TSHZ2: variants seen among roughly 807,000 people sequenced by gnomAD.
The protein encoded by TSHZ2 is teashirt homolog 2.
In TSHZ2, 21 loss-of-function variants were observed where a neutral mutation model predicts 74.4. That is an observed-to-expected ratio of 0.28 (90% CI 0.20 to 0.41). The LOEUF (loss-of-function observed/expected upper bound fraction) is 0.41. Ranked by LOEUF, TSHZ2 falls within the 10% of genes least tolerant of loss-of-function variation. The pLI, the probability that TSHZ2 is intolerant of heterozygous loss-of-function variation, is 1.00. For missense variants in TSHZ2, 1,244 were observed against 1,293.5 expected, an observed-to-expected ratio of 0.96 and a Z score of 0.59; for synonymous variants, 540 against 515.3, an observed-to-expected ratio of 1.05 and a Z score of -0.65.
intron 2 of TSHZ2, among the ~76,000 whole-genome samples, chr20:53,454,315 G>C (rs551144581): frequency 1.6e-4 from 25 of 152,122 alleles, no homozygotes; most frequent in Non-Finnish European, 3.2e-4. Context: ...TGTAATCCCA[G>C]CACTTTGGGA....
chr20:53,166,350 G>A (rs1381513999), intron 1 of TSHZ2, among the ~76,000 whole-genome samples: 1 of 152,154 alleles, frequency 6.6e-6, no homozygotes, highest in Non-Finnish European at 1.5e-5. Context: ...GGGCATGATG[G>A]CTTACACCTG....
chr20:53,476,063 C>T (rs929480864), intron 2 of TSHZ2, among the ~76,000 whole-genome samples: 18 of 140,118 alleles, frequency 1.3e-4, no homozygotes, highest in African/African-American at 5.0e-4. Context: ...GATTCACAGC[C>T]GAATTCTACC....
chr20:53,262,250 T>C (rs1370312452), intron 2 of TSHZ2, among the ~76,000 whole-genome samples: 1 of 152,062 alleles, frequency 6.6e-6, no homozygotes, highest in Non-Finnish European at 1.5e-5. Context: ...AGTTTAAAGC[T>C]TTCCACGATG....
chr20:53,335,694 G>T (rs1015538858), intron 2 of TSHZ2, among the ~76,000 whole-genome samples: 2 of 152,200 alleles, frequency 1.3e-5, no homozygotes, highest in Non-Finnish European at 2.9e-5. Context: ...AGGAAGGGAA[G>T]GAACAAATGA....
chr20:53,102,228 A>G (rs1411701362), intron 1 of TSHZ2, among the ~76,000 whole-genome samples: 2 of 118,542 alleles, frequency 1.7e-5, no homozygotes, highest in Admixed American at 1.5e-4. Flanking sequence ...ATTTCCCCCA[A>G]CCTGAGGCCT....
intron 1 of TSHZ2, among the ~76,000 whole-genome samples, chr20:53,088,573 G>A (rs554445031): frequency 9.2e-5 from 14 of 152,084 alleles, no homozygotes; most frequent in Non-Finnish European, 1.6e-4. Flanking sequence ...CCGCTAAATT[G>A]AAAAATTTAC....
intron 1 of TSHZ2, among the ~76,000 whole-genome samples, chr20:53,168,141 A>G (rs1988105191): frequency 6.6e-6 from 1 of 152,040 alleles, no homozygotes; most frequent in East Asian, 1.9e-4. Context: ...GATCAAGTGC[A>G]CTCTCAATTT....
chr20:53,063,640 G>A (rs918557504), intron 1 of TSHZ2, among the ~76,000 whole-genome samples: 3 of 152,166 alleles, frequency 2.0e-5, no homozygotes, highest in African/African-American at 7.2e-5. Context: ...TGAATTGTAA[G>A]TGAATAGAAA....
intron 2 of TSHZ2, among the ~76,000 whole-genome samples, chr20:53,459,356 T>C (rs1985253913): frequency 6.6e-6 from 1 of 152,140 alleles, no homozygotes; most frequent in Admixed American, 6.5e-5. Context: ...TAAAGTCTGT[T>C]TTATCAGAGA....
chr20:53,453,692 C>A (rs947243816), intron 2 of TSHZ2, among the ~76,000 whole-genome samples: 3 of 152,202 alleles, frequency 2.0e-5, no homozygotes, highest in Admixed American at 6.5e-5. Flanking sequence ...GGGAATCCTT[C>A]ATACAAACAT....
At chr20:53,389,446 G>T (rs192278519) in intron 2 of TSHZ2, among the ~76,000 whole-genome samples, 2 of 152,308 alleles carry the variant, frequency 1.3e-5, no homozygotes, top group Non-Finnish European at 2.9e-5. Context: ...CCTGAAAGAG[G>T]GATGGTCATG....
chr20:53,042,719 A>G (rs1246416733), intron 1 of TSHZ2, among the ~76,000 whole-genome samples: 1 of 147,990 alleles, frequency 6.8e-6, no homozygotes, highest in Non-Finnish European at 1.5e-5. Flanking sequence ...AAAAAAAAAC[A>G]CTGGAATTCC....
intron 1 of TSHZ2, among the ~76,000 whole-genome samples, chr20:53,002,772 A>G (rs1440202500): frequency 6.6e-6 from 1 of 152,230 alleles, no homozygotes; most frequent in African/African-American, 2.4e-5. Context: ...TTTAAAGAAC[A>G]TAAGTTTTAT....
At chr20:53,268,239 A>G (rs910144744) in intron 2 of TSHZ2, among the ~76,000 whole-genome samples, 16 of 152,248 alleles carry the variant, frequency 1.1e-4, no homozygotes, top group Admixed American at 7.9e-4. Flanking sequence ...AGAATACGAA[A>G]GAAGTCTGTG....
intron 1 of TSHZ2, among the ~76,000 whole-genome samples, chr20:53,000,853 T>G (rs1982381712): frequency 6.6e-6 from 1 of 152,166 alleles, no homozygotes; most frequent in Non-Finnish European, 1.5e-5. Context: ...AAAAGTTTCC[T>G]CGGGAGATAC....
chr20:53,333,541 C>T (rs1054360527), intron 2 of TSHZ2, among the ~76,000 whole-genome samples: 2 of 151,980 alleles, frequency 1.3e-5, no homozygotes, highest in African/African-American at 4.8e-5. Context: ...CTGCAAGCTC[C>T]GCCTCCCGGG....
At chr20:53,436,536 A>ATTTTTTTTTTTTTTTTTTTTTTT (rs71194478) in intron 2 of TSHZ2, among the ~76,000 whole-genome samples, 2 of 83,564 alleles carry the variant, frequency 2.4e-5, no homozygotes, top group African/African-American at 4.9e-5. Flanking sequence ...TATTATTATT[A>ATTTTTTTTTTTTTTTTTTTTTTT]TTATTATTAT....
chr20:53,158,885 G>A (rs1987860811), intron 1 of TSHZ2, among the ~76,000 whole-genome samples: 1 of 152,204 alleles, frequency 6.6e-6, no homozygotes, highest in Admixed American at 6.5e-5. Flanking sequence ...GCACACAAAA[G>A]CCACAACAAT....
chr20:53,150,474 ATC>A (rs1162434690), intron 1 of TSHZ2, among the ~76,000 whole-genome samples: 2 of 152,186 alleles, frequency 1.3e-5, no homozygotes, highest in Non-Finnish European at 2.9e-5. Flanking sequence ...TTTTGTAAAA[ATC>A]TGTTTTCTCT....
Sources: allele counts gnomAD v4.1 joint callset (sites outside exome capture counted in the v4.1 genomes callset), GRCh38; gene constraint gnomAD v4.1.1; transcripts MANE v1.5; gene names NCBI Gene and HGNC (gene_info 2026-07-23, HGNC 2026-07-21).